The following ITGA2 variants were observed in gnomAD, a reference collection of about 807,000 sequenced individuals.
ITGA2 encodes integrin subunit alpha 2, also known as integrin alpha-2.
In ITGA2, 101 loss-of-function variants were observed where a neutral mutation model predicts 146.3. The ratio of observed to expected loss-of-function variants is 0.69; its 90% CI spans 0.59 to 0.81. The LOEUF (loss-of-function observed/expected upper bound fraction) is 0.81, where lower values mean the gene tolerates loss of function less well. Among genes scored for constraint, ITGA2 ranks in the 40% least tolerant of loss-of-function variants. The pLI is 0.00. For missense variants in ITGA2, 1,281 were observed against 1,402.7 expected (o/e 0.91, Z 1.39); for synonymous variants, 477 against 487.1 (o/e 0.98, Z 0.27).
chr5:53,021,581 G>A (rs554194028), intron 1 of ITGA2, among the ~76,000 whole-genome samples: 5 of 152,128 alleles, frequency 3.3e-5, no homozygotes, highest in South Asian at 2.1e-4. Context: ...CCCTGCCCTC[G>A]GCATGCTCTA....
At chr5:53,030,561 G>T (rs922329988) in intron 2 of ITGA2, among the ~76,000 whole-genome samples, 2 of 152,208 alleles carry the variant, frequency 1.3e-5, no homozygotes, top group Non-Finnish European at 1.5e-5. Flanking sequence ...AGGAAGGACA[G>T]AGAACAAAAG....
At chr5:52,989,571 AC>A in intron 1 of ITGA2, 39 bp downstream of exon 1, 1 of 1,609,898 alleles carries the variant, frequency 6.2e-7, no homozygotes, top group Non-Finnish European at 8.5e-7. Context: ...TGCAGGAGGG[AC>A]CCGCGCGGCT....
intron 1 of ITGA2, among the ~76,000 whole-genome samples, chr5:52,994,346 A>C (rs1741121710): frequency 6.6e-6 from 1 of 152,154 alleles, no homozygotes; most frequent in African/African-American, 2.4e-5. Context: ...GCAGAAGTCC[A>C]TTTATTGAGT....
chr5:53,053,463 G>A (rs1048923879), intron 7 of ITGA2, among the ~76,000 whole-genome samples: 7 of 152,260 alleles, frequency 4.6e-5, no homozygotes, highest in African/African-American at 1.7e-4. Flanking sequence ...ATGAAAAATG[G>A]CTTTCCTGGA....
In ITGA2 at chr5:53,054,912, T is replaced by G. The variant is rs138127214; in HGVS notation, c.780-626T>G. Reference sequence around the variant, plus strand: ...TATTTATATGACCAAATACCACCTGTTCCCCAAAAACCTATGGAAATAAAA... The same window carrying G: ...TATTTATATGACCAAATACCACCTGGTCCCCAAAAACCTATGGAAATAAAA... On this transcript the variant is annotated intron_variant, in intron 7 of 29. Transcript: ENST00000296585. 2.2e-4 allele frequency among the ~76,000 whole-genome samples: 34 copies of G among 152,042 alleles called. No individual in the cohort carries two copies. In the East Asian group the frequency reaches 3.7e-3, roughly 16 times the overall value.
intron 1 of ITGA2, among the ~76,000 whole-genome samples, chr5:53,008,537 A>G (rs1741968856): frequency 6.6e-6 from 1 of 152,002 alleles, no homozygotes; most frequent in Admixed American, 6.6e-5. Context: ...TATTTCTTTG[A>G]TATGAACACA....
At chr5:52,997,556 G>A (rs1741332519) in intron 1 of ITGA2, among the ~76,000 whole-genome samples, 1 of 152,208 alleles carries the variant, frequency 6.6e-6, no homozygotes, top group African/African-American at 2.4e-5. Context: ...CTATTGCACC[G>A]ATGGACGCCT....
intron 16 of ITGA2, among the ~76,000 whole-genome samples, chr5:53,069,905 A>T (rs1332809574): frequency 6.6e-6 from 1 of 151,752 alleles, no homozygotes; most frequent in African/African-American, 2.4e-5. Flanking sequence ...ATTTCTTTGT[A>T]TGCACAGTCA....
intron 1 of ITGA2, among the ~76,000 whole-genome samples, chr5:53,024,208 T>C (rs1003610174): frequency 6.6e-5 from 10 of 152,180 alleles, no homozygotes; most frequent in African/African-American, 2.2e-4. Flanking sequence ...CACAGGATTG[T>C]TGTGGCACTC....
chr5:53,050,908 A>G (rs181394770), intron 6 of ITGA2, among the ~76,000 whole-genome samples: 55 of 152,312 alleles, frequency 3.6e-4, no homozygotes, highest in African/African-American at 1.2e-3. Context: ...ATAGACCTCA[A>G]TTGACTACGC....
intron 2 of ITGA2, among the ~76,000 whole-genome samples, chr5:53,030,172 C>CCATA (rs1286612792): frequency 1.3e-5 from 2 of 152,168 alleles, no homozygotes; most frequent in Non-Finnish European, 2.9e-5. Context: ...TGAGAGGCAG[C>CCATA]CATATCTCCT....
In ITGA2 at chr5:53,060,904, A is replaced by G; in HGVS notation, c.1316A>G (p.Tyr439Cys). The change falls in exon 12 of 30, where the codon TAC becomes TGC. Residue 439 changes from tyrosine (Y) to cysteine (C), a missense_variant. Physicochemically the swap from Tyr to Cys is radical, Grantham distance 194 (BLOSUM62 -2). Coordinates refer to ENST00000296585, the MANE Select transcript of ITGA2 (RefSeq NM_002203.4). The part of the protein sequence containing the change: ...QDRNHSSYLG[Y>C]SVAAISTGES... ...TCTGTTGCTCCTTCCCTTTTAGGTT[A>G]CTCTGTGGCTGCAATTTCTACTGGA... is the stretch of plus-strand genomic sequence containing the variant. 6.2e-7 allele frequency: 1 copy of G among 1,612,154 alleles called. No homozygotes were observed. Among genetic ancestry groups the G allele is most frequent in the Non-Finnish European group, 8.5e-7 (1 of 1,178,720 alleles).
At chr5:53,001,108 G>T (rs1276239132) in intron 1 of ITGA2, among the ~76,000 whole-genome samples, 1 of 151,754 alleles carries the variant, frequency 6.6e-6, no homozygotes, top group African/African-American at 2.4e-5. Flanking sequence ...CACCATGTTG[G>T]CCAGGCTGGT....
chr5:53,046,194 C>CAAAAAAAAAAA (rs58926174), intron 4 of ITGA2, among the ~76,000 whole-genome samples: 1 of 99,062 alleles, frequency 1.0e-5, no homozygotes. Context: ...GACTCTGTCT[C>CAAAAAAAAAAA]AAAAAAAAAA....
chr5:53,051,060 T>G (rs1744334957), intron 6 of ITGA2, among the ~76,000 whole-genome samples: 1 of 152,208 alleles, frequency 6.6e-6, no homozygotes, highest in South Asian at 2.1e-4. Context: ...TTAGAAAGTT[T>G]ATTTATATCA....
chr5:53,020,658 A>G (rs1425050097), intron 1 of ITGA2, among the ~76,000 whole-genome samples: 1 of 150,768 alleles, frequency 6.6e-6, no homozygotes, highest in African/African-American at 2.4e-5. Context: ...CCTGATTCTT[A>G]TTTTTATTTT....
intron 1 of ITGA2, among the ~76,000 whole-genome samples, chr5:53,009,291 G>A (rs1742009308): frequency 6.6e-6 from 1 of 152,094 alleles, no homozygotes; most frequent in African/African-American, 2.4e-5. Context: ...ACACCTATGA[G>A]TATTACCTTA....
At position 52,990,563 on chromosome 5, in the gene ITGA2, G is replaced by A. The variant is rs1740893120; in HGVS notation, c.64+1031G>A. Reference sequence around the variant, plus strand: ...AGTTGTCTCTGATTTTAAAGTGTGTGTGTGGTTTTTTTTTTTTTTTTTTAC... The same window carrying A: ...AGTTGTCTCTGATTTTAAAGTGTGTATGTGGTTTTTTTTTTTTTTTTTTAC... On this transcript the variant is annotated intron_variant, in intron 1 of 29. Coordinates refer to ENST00000296585, the MANE Select transcript of ITGA2 (RefSeq NM_002203.4). Among the ~76,000 whole-genome samples, 2 of 90,168 alleles carry A rather than the reference G, an allele frequency of 2.2e-5. 1 individual carries two copies. Among genetic ancestry groups the A allele is most frequent in the South Asian group, 1.0e-3 (2 of 1,922 alleles). 59.2% of individuals were successfully genotyped at this position (90,168 alleles called of 152,430 possible).
At chr5:53,000,033 C>A (rs934273658) in intron 1 of ITGA2, among the ~76,000 whole-genome samples, 1 of 151,736 alleles carries the variant, frequency 6.6e-6, no homozygotes, top group African/African-American at 2.4e-5. Flanking sequence ...GTTAAATATA[C>A]CATCTACACT....
Sources: gnomAD v4.1 joint callset for allele counts (sites outside exome capture counted in the v4.1 genomes callset) on GRCh38, gnomAD v4.1.1 for gene constraint, MANE v1.5 for transcripts, NCBI Gene and HGNC (gene_info 2026-07-23, HGNC 2026-07-21) for gene names.